LPIN1: variants seen among roughly 807,000 people sequenced by gnomAD.
LPIN1 encodes lipin 1, also known as phosphatidate phosphatase LPIN1.
LPIN1 carries 71 observed loss-of-function variants against 107.5 expected under a neutral mutation model. That is an observed-to-expected ratio of 0.66 (90% confidence interval 0.55 to 0.80). The LOEUF is 0.80. Ranked by LOEUF, LPIN1 falls within the 30% of genes least tolerant of loss-of-function variation. LPIN1 has a pLI of 0.00. For missense variants in LPIN1, 1,043 were observed against 1,160.6 expected, an observed-to-expected ratio of 0.90 and a Z score of 1.47; for synonymous variants, 445 against 452.6, an observed-to-expected ratio of 0.98 and a Z score of 0.21.
chr2:11,692,648 C>T (rs764696513), intron 1 of LPIN1, among the ~76,000 whole-genome samples: 45 of 144,660 alleles, frequency 3.1e-4, no homozygotes, highest in Admixed American at 6.6e-4. Flanking sequence ...TTTCCTCCCC[C>T]ACCTGCTGTC....
chr2:11,686,798 G>A (rs181481276), intron 1 of LPIN1, among the ~76,000 whole-genome samples: 178 of 152,216 alleles, frequency 1.2e-3, no homozygotes, highest in African/African-American at 4.0e-3. Context: ...GTGTCCATTA[G>A]TGATTAATCG....
At chr2:11,795,739 T>C (rs964650807) in intron 14 of LPIN1, among the ~76,000 whole-genome samples, 3 of 152,252 alleles carry the variant, frequency 2.0e-5, no homozygotes, top group African/African-American at 7.2e-5. Context: ...GCATTTCTCA[T>C]GGTCCTGGCA....
At chr2:11,722,683 G>T (rs1572402771), upstream of LPIN1, among the ~76,000 whole-genome samples, 1 of 152,168 alleles carries the variant, frequency 6.6e-6, no homozygotes, top group Non-Finnish European at 1.5e-5. Flanking sequence ...GAACATGCAG[G>T]CTTCAGTAAC....
At chr2:11,811,752 C>T (rs977219100) in intron 17 of LPIN1, among the ~76,000 whole-genome samples, 1 of 152,210 alleles carries the variant, frequency 6.6e-6, no homozygotes, top group African/African-American at 2.4e-5. Flanking sequence ...TTTGGGAGGC[C>T]AAGGCAGGTG....
upstream of LPIN1, among the ~76,000 whole-genome samples, chr2:11,741,677 G>A (rs1666377575): frequency 1.3e-5 from 2 of 152,174 alleles, no homozygotes; most frequent in African/African-American, 2.4e-5. Context: ...CGGGCAAGGT[G>A]GCGGGTGCCT....
rs1040145119 is a variant in LPIN1 at position 11,771,207 on chromosome 2, A to G, written c.289-165A>G. ...TGATCTTCTACCAGATTGGGCAGCC[A>G]CATCTCCAGGTCACCATGGCTGTGG... is the stretch of plus-strand genomic sequence containing the variant. On this transcript the variant is annotated intron_variant, in intron 3 of 20. Transcript: ENST00000674199. The surrounding 1 kb of genome is among the most constrained non-coding windows in gnomAD (Gnocchi z 4.8). Among the ~76,000 whole-genome samples, 17 of 152,234 alleles carry G rather than the reference A, an allele frequency of 1.1e-4. No individual in the cohort carries two copies. Among genetic ancestry groups the G allele is most frequent in the African/African-American group, 3.9e-4 (16 of 41,456 alleles).
intron 1 of LPIN1, among the ~76,000 whole-genome samples, chr2:11,690,518 T>C (rs960394880): frequency 3.3e-5 from 5 of 152,216 alleles, no homozygotes; most frequent in African/African-American, 1.2e-4. Flanking sequence ...TTTTGGAAGA[T>C]TCTCAAACAT....
At chr2:11,681,148 A>G (rs1240886553) in intron 1 of LPIN1, among the ~76,000 whole-genome samples, 1 of 152,138 alleles carries the variant, frequency 6.6e-6, no homozygotes, top group Non-Finnish European at 1.5e-5. Context: ...AAATGCATGG[A>G]GCCAGGTCCT....
At chr2:11,692,269 C>T (rs1274021418) in intron 1 of LPIN1, among the ~76,000 whole-genome samples, 1 of 151,858 alleles carries the variant, frequency 6.6e-6, no homozygotes, top group African/African-American at 2.4e-5. Flanking sequence ...AAGTTTGGTC[C>T]CCTTTCCTTC....
intron 12 of LPIN1, among the ~76,000 whole-genome samples, chr2:11,789,761 G>C (rs934536188): frequency 2.8e-5 from 4 of 144,808 alleles, no homozygotes; most frequent in Non-Finnish European, 6.2e-5. Context: ...TTACAAATCC[G>C]TAAGAAAAAA....
At chr2:11,823,340 G>A (rs547780120) in intron 20 of LPIN1, among the ~76,000 whole-genome samples, 88 of 152,224 alleles carry the variant, frequency 5.8e-4, no homozygotes, top group African/African-American at 1.7e-3. Flanking sequence ...CCCTGCTGCC[G>A]CAGCCACAAA....
chr2:11,714,884 G>A (rs371122739), intron 2 of LPIN1, among the ~76,000 whole-genome samples: 1 of 152,228 alleles, frequency 6.6e-6, no homozygotes, highest in Admixed American at 6.5e-5. Context: ...GAGGCTCAGC[G>A]CGGCCGCAGG....
chr2:11,734,990 G>T (rs1213978265), intron 1 of LPIN1, among the ~76,000 whole-genome samples: 1 of 152,060 alleles, frequency 6.6e-6, no homozygotes, highest in African/African-American at 2.4e-5. Flanking sequence ...AGACCAGAAG[G>T]TTATTCAGAA....
intron 1 of LPIN1, chr2:11,682,565 GC>G (rs1661776726): frequency 6.6e-6 from 1 of 152,268 alleles, no homozygotes; most frequent in African/African-American, 2.4e-5. Flanking sequence ...AGCTCCCGTC[GC>G]GATCGTCATC....
At chr2:11,684,005 T>C (rs1174897879) in intron 1 of LPIN1, among the ~76,000 whole-genome samples, 1 of 152,234 alleles carries the variant, frequency 6.6e-6, no homozygotes, top group African/African-American at 2.4e-5. Flanking sequence ...ACTTTTCTCA[T>C]AGCAGCTGCA....
At chr2:11,714,876 G>A (rs1663628063) in intron 2 of LPIN1, among the ~76,000 whole-genome samples, 1 of 152,246 alleles carries the variant, frequency 6.6e-6, no homozygotes, top group South Asian at 2.1e-4. Context: ...GGACACCTGA[G>A]GCTCAGCGCG....
At chr2:11,807,447 G>A (rs1391969239) in intron 17 of LPIN1, among the ~76,000 whole-genome samples, 1 of 151,820 alleles carries the variant, frequency 6.6e-6, no homozygotes, top group African/African-American at 2.4e-5. Flanking sequence ...TGATTCATTT[G>A]GTTTTTGGAA....
intron 18 of LPIN1, chr2:11,816,449 G>A (rs978347524): frequency 2.0e-5 from 3 of 152,194 alleles, no homozygotes; most frequent in African/African-American, 7.2e-5. Context: ...AGTCCACATC[G>A]TTACTCCGAC....
intron 17 of LPIN1, among the ~76,000 whole-genome samples, chr2:11,813,637 G>A (rs368525667): frequency 1.3e-5 from 2 of 152,098 alleles, no homozygotes; most frequent in Non-Finnish European, 2.9e-5. Flanking sequence ...AAATGGGGCC[G>A]GGCGTGGTGG....
Sources: gnomAD v4.1 joint callset for allele counts (sites outside exome capture counted in the v4.1 genomes callset) on GRCh38, gnomAD v4.1.1 for gene constraint, Gnocchi (gnomAD v3.1) non-coding constraint, MANE v1.5 for transcripts, NCBI Gene and HGNC (gene_info 2026-07-23, HGNC 2026-07-21) for gene names.